The following TMEM132C variants were observed in gnomAD, a reference collection of about 807,000 sequenced individuals.
The protein encoded by TMEM132C is transmembrane protein 132C.
A neutral mutation model predicts 61.4 loss-of-function variants in TMEM132C; 29 were observed. That is an observed-to-expected ratio of 0.47 (90% CI 0.35 to 0.64). The LOEUF is 0.64. Ranked by LOEUF, TMEM132C falls within the 30% of genes least tolerant of loss-of-function variation. The pLI is 0.00. For missense variants in TMEM132C, 1,408 were observed against 1,476.9 expected (o/e 0.95, Z 0.76); for synonymous variants, 656 against 633.1 (o/e 1.04, Z -0.54).
chr12:128,568,816 C>T (rs922566177), intron 3 of TMEM132C, among the ~76,000 whole-genome samples: 18 of 152,152 alleles, frequency 1.2e-4, no homozygotes, highest in African/African-American at 4.3e-4. Flanking sequence ...ATCCAAAGTG[C>T]CCATCTCTCA....
rs145468557 is a variant in TMEM132C, at chr12:128,633,248, C to T, written c.1305+16913C>T. Among the ~76,000 whole-genome samples, 209 of 152,250 alleles carry T rather than the reference C, an allele frequency of 1.4e-3. 2 individuals carry two copies. Among genetic ancestry groups the T allele is most frequent in the African/African-American group, 4.4e-3 (184 of 41,536 alleles). On this transcript the variant is annotated intron_variant, in intron 4 of 8. Transcript: ENST00000435159. ...GCTGCAGAGCCTTTTATGACAGCTT[C>T]GGATGCCATACACCATGGATTCTGC...
intron 3 of TMEM132C, among the ~76,000 whole-genome samples, chr12:128,545,007 C>T (rs188435693): frequency 6.6e-5 from 10 of 152,122 alleles, no homozygotes; most frequent in Non-Finnish European, 1.3e-4. Flanking sequence ...GGTACATGTG[C>T]AGGTTTGTTA....
At chr12:128,366,419 G>C (rs76686816) in intron 1 of TMEM132C, among the ~76,000 whole-genome samples, 1,910 of 152,296 alleles carry the variant, frequency 0.013, 31 homozygotes, top group African/African-American at 0.043. Context: ...TGCATCACCA[G>C]AGCATGCAGC....
At chr12:128,365,468 T>C (rs1323881932) in intron 1 of TMEM132C, among the ~76,000 whole-genome samples, 3 of 152,212 alleles carry the variant, frequency 2.0e-5, no homozygotes, top group Non-Finnish European at 4.4e-5. Flanking sequence ...ATTATTGCTA[T>C]TATTAGCATA....
intron 2 of TMEM132C, among the ~76,000 whole-genome samples, chr12:128,505,410 G>A (rs1159592074): frequency 6.6e-6 from 1 of 152,144 alleles, no homozygotes; most frequent in Non-Finnish European, 1.5e-5. Flanking sequence ...GCTCTGGCTA[G>A]TACCACACCT....
intron 1 of TMEM132C, among the ~76,000 whole-genome samples, chr12:128,304,373 T>C (rs1451441719): frequency 8.8e-6 from 1 of 113,348 alleles, no homozygotes; most frequent in Non-Finnish European, 2.1e-5. Context: ...TCCCAGCATT[T>C]TGGGTGGGTA....
intron 2 of TMEM132C, among the ~76,000 whole-genome samples, chr12:128,442,782 G>A (rs1479873116): frequency 6.6e-6 from 1 of 152,158 alleles, no homozygotes; most frequent in African/African-American, 2.4e-5. Flanking sequence ...GGCACTTACT[G>A]TATTCACGAT....
chr12:128,301,654 T>C (rs1871598592), intron 1 of TMEM132C, among the ~76,000 whole-genome samples: 2 of 152,176 alleles, frequency 1.3e-5, no homozygotes. Context: ...TTGCAAGGAT[T>C]GGAGGAAAGA....
At chr12:128,572,850 G>A (rs1314735924) in intron 3 of TMEM132C, among the ~76,000 whole-genome samples, 1 of 152,204 alleles carries the variant, frequency 6.6e-6, no homozygotes, top group Non-Finnish European at 1.5e-5. Flanking sequence ...AGAAACATAG[G>A]GTTTAAAAGT....
At chr12:128,628,404 C>G (rs1338031230) in intron 4 of TMEM132C, among the ~76,000 whole-genome samples, 1 of 152,202 alleles carries the variant, frequency 6.6e-6, no homozygotes, top group Non-Finnish European at 1.5e-5. Context: ...GAGCCTCTTC[C>G]CCACATTCCA....
At chr12:128,539,312 T>A (rs779292691) in intron 2 of TMEM132C, among the ~76,000 whole-genome samples, 1 of 152,184 alleles carries the variant, frequency 6.6e-6, no homozygotes, top group East Asian at 1.9e-4. Flanking sequence ...AAGGAGTAAA[T>A]GACCTTAGCA....
At chr12:128,429,227 C>T (rs1869301779) in intron 2 of TMEM132C, among the ~76,000 whole-genome samples, 1 of 152,154 alleles carries the variant, frequency 6.6e-6, no homozygotes, top group Non-Finnish European at 1.5e-5. Context: ...GTGCTACTGG[C>T]ATCTAGTAAA....
At chr12:128,669,388 G>A (rs1324405391) in intron 4 of TMEM132C, 29 bp from the exon 5 acceptor site, 13 of 1,550,584 alleles carry the variant, frequency 8.4e-6, no homozygotes, top group Non-Finnish European at 1.0e-5. Flanking sequence ...TATCTCCCTT[G>A]ACCCAGTGTG....
chr12:128,578,954 A>G (rs888175876), intron 3 of TMEM132C, among the ~76,000 whole-genome samples: 20 of 152,246 alleles, frequency 1.3e-4, no homozygotes, highest in Admixed American at 1.0e-3. Context: ...GATCGTAAAA[A>G]CATGACTCCA....
intron 2 of TMEM132C, among the ~76,000 whole-genome samples, chr12:128,514,576 C>G (rs1531246): frequency 0.11 from 17,380 of 152,142 alleles, 1,254 homozygotes; most frequent in Non-Finnish European, 0.15. Context: ...TTCCAAAGTT[C>G]TGATTTGACC....
chr12:128,558,332 G>A lies in TMEM132C; in HGVS notation c.1121+14229G>A, dbSNP rs933376811. Among the ~76,000 whole-genome samples, 7 of 152,174 alleles carry A rather than the reference G, an allele frequency of 4.6e-5. No homozygotes were observed. In the East Asian group the frequency reaches 9.6e-4, roughly 21 times the overall value. ...TCCCCACATGTCATGGGAGGGACCC[G>A]GTGGGAGGGAATTGAATCATGGGGC... On this transcript the variant is annotated intron_variant, in intron 3 of 8. Coordinates refer to ENST00000435159, the MANE Select transcript of TMEM132C (RefSeq NM_001136103.3).
chr12:128,550,067 T>G (rs1280350470), intron 3 of TMEM132C, among the ~76,000 whole-genome samples: 2 of 152,192 alleles, frequency 1.3e-5, no homozygotes, highest in African/African-American at 2.4e-5. Flanking sequence ...TATCCCTCGG[T>G]AGGTGTGTTA....
intron 3 of TMEM132C, among the ~76,000 whole-genome samples, chr12:128,546,122 C>T (rs569429089): frequency 6.6e-6 from 1 of 152,256 alleles, no homozygotes; most frequent in South Asian, 2.1e-4. Context: ...CCAACCGTCA[C>T]CATCATTACC....
At chr12:128,480,716 G>A (rs879730230) in intron 2 of TMEM132C, among the ~76,000 whole-genome samples, 4 of 152,182 alleles carry the variant, frequency 2.6e-5, no homozygotes, top group Admixed American at 2.0e-4. Context: ...CCAATCAGGA[G>A]TGTGACTGTG....
Sources: gnomAD v4.1 joint callset for allele counts (sites outside exome capture counted in the v4.1 genomes callset) on GRCh38, gnomAD v4.1.1 for gene constraint, MANE v1.5 for transcripts, NCBI Gene and HGNC (gene_info 2026-07-23, HGNC 2026-07-21) for gene names.